RAB3C: variants seen among roughly 807,000 people sequenced by gnomAD.
RAB3C encodes the protein RAB3C, member RAS oncogene family.
In RAB3C, 17 loss-of-function variants were observed where a neutral mutation model predicts 26.4. That is an observed-to-expected ratio of 0.64 (90% confidence interval 0.44 to 0.97). RAB3C has a LOEUF of 0.97. Ranked by LOEUF, RAB3C falls within the 50% of genes least tolerant of loss-of-function variation. The pLI, the probability that RAB3C is intolerant of heterozygous loss-of-function variation, is 0.00. For missense variants in RAB3C, 242 were observed against 281.9 expected (o/e 0.86, Z 1.01); for synonymous variants, 91 against 95.9 (o/e 0.95, Z 0.30).
At chr5:58,591,068 A>G (rs150113578) in intron 1 of RAB3C, among the ~76,000 whole-genome samples, 36 of 152,300 alleles carry the variant, frequency 2.4e-4, no homozygotes, top group African/African-American at 8.7e-4. Flanking sequence ...CAGATATTTT[A>G]TTGATACTGA....
intron 4 of RAB3C, among the ~76,000 whole-genome samples, chr5:58,830,290 G>A (rs770125033): frequency 3.9e-5 from 6 of 152,140 alleles, no homozygotes; most frequent in Non-Finnish European, 7.4e-5. Context: ...AATTATCTCT[G>A]GAAGTGGAAG....
rs1744120721 is a variant in RAB3C at position 58,851,766 on chromosome 5, G to GCA, written c.*417_*418dup. 2 of 150,706 alleles carry GCA rather than the reference G, an allele frequency of 1.3e-5. No homozygotes were observed. The highest frequency in any genetic ancestry group is 5.0e-5 in the African/African-American group (2 of 39,934). The allele number at this position is 150,706 out of a possible 1,614,324, so 9.3% of individuals were successfully genotyped here. ...TGTGTGTGTGTGTGTGTGTGTGTGT[G>GCA]CACGCATGCCCGCATGCGTGCAGAG... On this transcript the variant is annotated 3_prime_UTR_variant, in exon 5 of 5. Coordinates refer to ENST00000282878, the MANE Select transcript of RAB3C (RefSeq NM_138453.4).
At chr5:58,609,507 G>C (rs1257919208) in intron 1 of RAB3C, among the ~76,000 whole-genome samples, 1 of 152,180 alleles carries the variant, frequency 6.6e-6, no homozygotes, top group African/African-American at 2.4e-5. Context: ...AAAGCACATA[G>C]AGCATGTAAG....
At chr5:58,763,248 G>A (rs1350502821) in intron 3 of RAB3C, among the ~76,000 whole-genome samples, 1 of 152,114 alleles carries the variant, frequency 6.6e-6, no homozygotes, top group Non-Finnish European at 1.5e-5. Flanking sequence ...TACATAATCT[G>A]ATAATCAATT....
intron 2 of RAB3C, among the ~76,000 whole-genome samples, chr5:58,707,998 T>TC (rs1250316037): frequency 6.6e-6 from 1 of 151,224 alleles, no homozygotes; most frequent in Non-Finnish European, 1.5e-5. Context: ...CTTTTTTTTT[T>TC]TTTTCTTTTT....
rs1051343384 is a variant in RAB3C, at chr5:58,585,201, A to G, written c.24+1969A>G. 2.6e-5 allele frequency among the ~76,000 whole-genome samples: 4 copies of G among 152,002 alleles called. No individual in the cohort carries two copies. The East Asian group carries it at 5.8e-4, about 22-fold the overall frequency. ...TACATTAATTCAATTTAACTAATAA[A>G]TTGTTGTTATGGTGACCCCATCTCC... On this transcript the variant is annotated intron_variant, in intron 1 of 4. Coordinates refer to ENST00000282878, the MANE Select transcript of RAB3C (RefSeq NM_138453.4).
At chr5:58,626,147 C>T (rs1042695763) in intron 2 of RAB3C, among the ~76,000 whole-genome samples, 1 of 152,080 alleles carries the variant, frequency 6.6e-6, no homozygotes, top group African/African-American at 2.4e-5. Flanking sequence ...TCAAACTGTC[C>T]GTCTTCATGT....
At chr5:58,591,217 G>T (rs1222494133) in intron 1 of RAB3C, among the ~76,000 whole-genome samples, 1 of 152,132 alleles carries the variant, frequency 6.6e-6, no homozygotes, top group Non-Finnish European at 1.5e-5. Flanking sequence ...CTGTAGTTGT[G>T]CAGTGTAGTA....
intron 2 of RAB3C, among the ~76,000 whole-genome samples, chr5:58,623,192 A>G (rs425872): frequency 0.75 from 113,731 of 152,178 alleles, 43,721 homozygotes; most frequent in East Asian, 0.92. Context: ...CTTCCTGCAC[A>G]TTTCTGGAAT....
At chr5:58,599,849 T>A (rs1209222737) in intron 1 of RAB3C, among the ~76,000 whole-genome samples, 1 of 152,166 alleles carries the variant, frequency 6.6e-6, no homozygotes, top group East Asian at 1.9e-4. Context: ...AGCTCTTTAG[T>A]TTAATTAGGT....
In RAB3C at chr5:58,856,299, C is replaced by G. The variant is rs931159297; in HGVS notation, c.*4948C>G. The stretch of plus-strand genomic sequence containing the variant: ...AGGGGAAATAAATTTTGCAAGCATT[C>G]TAGATAACAGAAATGAGTCATTTTA... On this transcript the variant is annotated 3_prime_UTR_variant, in exon 5 of 5. Transcript: ENST00000282878. The G allele has an allele frequency of 1.3e-5, 2 of 148,386 alleles. No homozygotes were observed. The highest frequency in any genetic ancestry group is 3.0e-5 in the Non-Finnish European group (2 of 67,278). The allele number at this position is 148,386 out of a possible 1,614,324, so 9.2% of individuals were successfully genotyped here.
intron 3 of RAB3C, among the ~76,000 whole-genome samples, chr5:58,779,194 C>T (rs1325016228): frequency 6.6e-6 from 1 of 151,952 alleles, no homozygotes; most frequent in Non-Finnish European, 1.5e-5. Flanking sequence ...CAAACTGATC[C>T]CATCCAAGTT....
intron 2 of RAB3C, among the ~76,000 whole-genome samples, chr5:58,669,470 A>G (rs1748069233): frequency 6.6e-6 from 1 of 152,098 alleles, no homozygotes; most frequent in Non-Finnish European, 1.5e-5. Context: ...CCACTTCCCA[A>G]CAACCTCCGT....
At chr5:58,583,619 G>T (rs1745952857) in intron 1 of RAB3C, among the ~76,000 whole-genome samples, 1 of 152,182 alleles carries the variant, frequency 6.6e-6, no homozygotes. Context: ...TCAGATTCGG[G>T]GTTGAAGGCT....
intron 2 of RAB3C, among the ~76,000 whole-genome samples, chr5:58,624,818 T>C (rs1185421107): frequency 6.6e-6 from 1 of 152,036 alleles, no homozygotes; most frequent in African/African-American, 2.4e-5. Context: ...GACAAATGAC[T>C]TCACCTTTCT....
At chr5:58,723,241 T>A (rs1377548871) in intron 2 of RAB3C, among the ~76,000 whole-genome samples, 1 of 151,850 alleles carries the variant, frequency 6.6e-6, no homozygotes, top group Non-Finnish European at 1.5e-5. Flanking sequence ...TAGTATGTTC[T>A]GAAAGATCTT....
At chr5:58,732,347 A>G (rs1741044782) in intron 3 of RAB3C, among the ~76,000 whole-genome samples, 1 of 152,056 alleles carries the variant, frequency 6.6e-6, no homozygotes, top group South Asian at 2.1e-4. Context: ...ATTATAGGAA[A>G]GGAGAAAAAA....
intron 3 of RAB3C, chr5:58,788,428 C>A (rs1425793721): frequency 6.6e-6 from 1 of 152,118 alleles, no homozygotes; most frequent in African/African-American, 2.4e-5. Flanking sequence ...CTGCTGAATT[C>A]TATTATTTTG....
chr5:58,724,391 A>G (rs990736896), intron 2 of RAB3C, among the ~76,000 whole-genome samples: 1 of 151,746 alleles, frequency 6.6e-6, no homozygotes, highest in African/African-American at 2.4e-5. Context: ...CATACATACA[A>G]AGCAGGTTTT....
Sources: gnomAD v4.1 joint callset for allele counts (sites outside exome capture counted in the v4.1 genomes callset) on GRCh38, gnomAD v4.1.1 for gene constraint, MANE v1.5 for transcripts, NCBI Gene and HGNC (gene_info 2026-07-23, HGNC 2026-07-21) for gene names.